Variants in PLEKHG5 observed in about 807,000 individuals in gnomAD.
PLEKHG5 encodes pleckstrin homology and RhoGEF domain containing G5.
Under a neutral mutation model 103.8 loss-of-function variants are expected in PLEKHG5, and 52 were observed. The observed-to-expected ratio is 0.50, with a 90% confidence interval of 0.40 to 0.63. The LOEUF is 0.63. Ranked by LOEUF, PLEKHG5 falls within the 30% of genes least tolerant of loss-of-function variation. The probability of loss-of-function intolerance (pLI) is 0.00; values close to 1 mark genes in which losing one functional copy is unlikely to be tolerated. For synonymous variants in PLEKHG5, 592 were observed against 575.5 expected (o/e 1.03, Z -0.41); for missense variants, 1,205 against 1,347.6 (o/e 0.89, Z 1.66).
At chr1:6,503,654 C>T (rs887468788) in intron 1 of PLEKHG5, among the ~76,000 whole-genome samples, 26 of 152,172 alleles carry the variant, frequency 1.7e-4, no homozygotes, top group African/African-American at 5.3e-4. Context: ...AGGTGATCCA[C>T]CCGCCTCGGC....
chr1:6,497,043 A>C, upstream of PLEKHG5: 5 of 1,506,036 alleles, frequency 3.3e-6, no homozygotes, highest in Non-Finnish European at 4.4e-6. The surrounding 1 kb of genome is among the most constrained non-coding windows in gnomAD (Gnocchi z 6.1). Flanking sequence ...TTTGACCCTG[A>C]ATTTGGCCCC....
chr1:6,488,865 G>T (rs781192545), intron 1 of PLEKHG5, among the ~76,000 whole-genome samples: 8 of 152,106 alleles, frequency 5.3e-5, no homozygotes, highest in Non-Finnish European at 7.4e-5. Flanking sequence ...TGCGGAGGCT[G>T]ATGAATAATG....
chr1:6,503,407 C>CT (rs111752953), intron 1 of PLEKHG5, among the ~76,000 whole-genome samples: 3,433 of 125,528 alleles, frequency 0.027, 150 homozygotes, highest in African/African-American at 0.092. Context: ...ACAACCCTGT[C>CT]TTTTTTTTTT....
At chr1:6,503,246 T>A (rs113551934) in intron 1 of PLEKHG5, among the ~76,000 whole-genome samples, 5 of 152,058 alleles carry the variant, frequency 3.3e-5, no homozygotes, top group African/African-American at 1.2e-4. Context: ...AGAGACTCCA[T>A]CTCTACAAAA....
At chr1:6,496,728 G>C (rs1645231267), upstream of PLEKHG5, 2 of 572,622 alleles carry the variant, frequency 3.5e-6, no homozygotes, top group East Asian at 6.5e-5. Context: ...TTATCTGCAC[G>C]GGAATCCGTT....
chr1:6,493,315 C>T (rs1645178136), upstream of PLEKHG5, among the ~76,000 whole-genome samples: 1 of 152,224 alleles, frequency 6.6e-6, no homozygotes, highest in African/African-American at 2.4e-5. Flanking sequence ...TGGAGATCTC[C>T]TGGGCCTAGA....
intron 6 of PLEKHG5, 49 bp downstream of exon 6, chr1:6,474,402 G>A: frequency 6.2e-7 from 1 of 1,609,330 alleles, no homozygotes; most frequent in African/African-American, 1.3e-5. Flanking sequence ...CCATCTCCAG[G>A]AGGCTCCGCC....
At chr1:6,496,426 T>C (rs1261612425), upstream of PLEKHG5, 5 of 1,227,996 alleles carry the variant, frequency 4.1e-6, no homozygotes, top group African/African-American at 6.0e-5. Flanking sequence ...GGTGCTGGGA[T>C]AGAAAGGGCA....
At chr1:6,472,756 T>C (rs1355135358) in intron 9 of PLEKHG5, 134 bp from the exon 10 acceptor site, 1 of 766,108 alleles carries the variant, frequency 1.3e-6, no homozygotes, top group Non-Finnish European at 2.3e-6. Context: ...AGGGTCACCC[T>C]TGACACCACA....
At chr1:6,471,908 G>T in intron 10 of PLEKHG5, 100 bp from the exon 11 acceptor site, 1 of 1,206,604 alleles carries the variant, frequency 8.3e-7, no homozygotes, top group Non-Finnish European at 1.2e-6. Context: ...CCCCTTCCCC[G>T]TTCCAGGAGG....
intron 6 of PLEKHG5, 91 bp downstream of exon 6, chr1:6,474,360 G>T: frequency 2.1e-6 from 3 of 1,440,810 alleles, no homozygotes; most frequent in South Asian, 2.3e-5. Flanking sequence ...TCAGGCCCAC[G>T]ACCAATGGGA....
chr1:6,497,428 A>C (rs1645244572), upstream of PLEKHG5: 3 of 845,316 alleles, frequency 3.5e-6, no homozygotes, highest in Non-Finnish European at 4.2e-6. This position sits in a 1 kb window ranked among gnomAD's most constrained non-coding sequence, Gnocchi z 6.1. Flanking sequence ...CTCGCACGGG[A>C]GGCGGGCGGG....
At chr1:6,478,175 C>T (rs1432453800) in intron 1 of PLEKHG5, among the ~76,000 whole-genome samples, 1 of 152,238 alleles carries the variant, frequency 6.6e-6, no homozygotes, top group Admixed American at 6.5e-5. Flanking sequence ...TGAGCCACCG[C>T]GCCCGGCTTC....
In PLEKHG5 at chr1:6,473,263, G is replaced by C. The variant is rs61738905; in HGVS notation, c.783C>G (p.Ser261Arg). ...TGGGGCCACATACCCGGCCAAAGGC[G>C]CTGGTGCTGGGGCCGGAGCTGAAAA... is the stretch of plus-strand genomic sequence containing the variant. ...SGFFSSGPSTSAFGREVDKME... is the reference protein window; with the variant it reads ...SGFFSSGPSTRAFGREVDKME... The change falls in exon 8 of 21, where the codon AGC (serine) becomes AGG (arginine). Residue 261 changes from serine (S) to arginine (R), a missense_variant. Physicochemically the swap from Ser to Arg is moderately radical, Grantham distance 110. Transcript: ENST00000377728. The C allele has an allele frequency of 6.2e-7, 1 of 1,609,256 alleles. No individual in the cohort carries two copies. Among genetic ancestry groups the C allele is most frequent in the Admixed American group, 1.7e-5 (1 of 59,294 alleles).
chr1:6,513,794 C>T (rs1458710022), intron 1 of PLEKHG5, among the ~76,000 whole-genome samples: 1 of 152,222 alleles, frequency 6.6e-6, no homozygotes, highest in Non-Finnish European at 1.5e-5. Flanking sequence ...GTGGACATGC[C>T]CAGCAGAGAC....
At chr1:6,510,396 G>C (rs994852991) in intron 1 of PLEKHG5, among the ~76,000 whole-genome samples, 4 of 152,032 alleles carry the variant, frequency 2.6e-5, no homozygotes, top group Non-Finnish European at 5.9e-5. Context: ...TTCAAGACCA[G>C]CCTGGCCAAG....
At chr1:6,504,034 G>A (rs1638229197) in intron 1 of PLEKHG5, among the ~76,000 whole-genome samples, 1 of 152,366 alleles carries the variant, frequency 6.6e-6, no homozygotes, top group East Asian at 1.9e-4. Context: ...CTGAGTGGGG[G>A]CGAGAGGTGG....
rs1357511720 is a variant in PLEKHG5, at chr1:6,505,867, C to T, written c.-164-9298G>A. ...GTCCTCATTTCCGGGTCCTCTCCTG[C>T]ACCAGCGGCAGCTCTCAGGAGTGGC... On this transcript the variant is annotated intron_variant, in intron 1 of 21. Transcript: ENST00000377740. The surrounding 1 kb of genome is among the most constrained non-coding windows in gnomAD (Gnocchi z 4.2). 6.6e-6 allele frequency among the ~76,000 whole-genome samples: 1 copy of T among 152,244 alleles called. No individual in the cohort carries two copies. Among genetic ancestry groups the T allele is most frequent in the Non-Finnish European group, 1.5e-5 (1 of 68,038 alleles).
upstream of PLEKHG5, among the ~76,000 whole-genome samples, chr1:6,493,359 G>A (rs1645178536): frequency 6.6e-6 from 1 of 152,194 alleles, no homozygotes; most frequent in Admixed American, 6.5e-5. Context: ...CTCAGAGCTG[G>A]TCTGGTAAAT....
Sources: allele counts gnomAD v4.1 joint callset (sites outside exome capture counted in the v4.1 genomes callset), GRCh38; gene constraint gnomAD v4.1.1; non-coding constraint Gnocchi (gnomAD v3.1); transcripts MANE v1.5; gene names NCBI Gene and HGNC (gene_info 2026-07-23, HGNC 2026-07-21).